Variants in PCLO observed in about 807,000 individuals in gnomAD.
PCLO encodes piccolo presynaptic cytomatrix protein, also known as protein piccolo.
A neutral mutation model predicts 427.5 loss-of-function variants in PCLO; 82 were observed. That is an observed-to-expected ratio of 0.19 (90% CI 0.16 to 0.23). The LOEUF is 0.23. Among genes scored for constraint, PCLO ranks in the 10% least tolerant of loss-of-function variants. The probability of loss-of-function intolerance (pLI) is 1.00; values close to 1 mark genes in which losing one functional copy is unlikely to be tolerated. For synonymous variants in PCLO, 2,357 were observed against 2,155.4 expected (o/e 1.09, Z -2.59); for missense variants, 6,239 against 6,115.9 (o/e 1.02, Z -0.67).
At position 82,951,336 on chromosome 7, in the gene PCLO, T is replaced by A; in HGVS notation, c.9252A>T (p.Ser3084=). The A allele has an allele frequency of 6.2e-7, 1 of 1,610,602 alleles. No individual in the cohort carries two copies. Among genetic ancestry groups the A allele is most frequent in the Non-Finnish European group, 8.5e-7 (1 of 1,178,366 alleles). The change falls in exon 6 of 25, where the codon TCA becomes TCT. Residue 3084 remains serine, a synonymous_variant. Coordinates refer to ENST00000333891, the MANE Select transcript of PCLO (RefSeq NM_033026.6). ...PQYCVGSVLR[S]SNGVVYSSVA... ...CTGAAGAATAGACAACACCATTAGA[T>A]GACCTCAAAACACTCCCCACACAAT...
chr7:83,095,823 G>C (rs2116460377), intron 3 of PCLO, among the ~76,000 whole-genome samples: 1 of 152,040 alleles, frequency 6.6e-6, no homozygotes, highest in South Asian at 2.1e-4. Context: ...AAATGTGTTG[G>C]AGTTTGTTTT....
chr7:82,956,495 A>T lies in PCLO; in HGVS notation c.4458T>A (p.Asp1486Glu), dbSNP rs775119273. The T allele has an allele frequency of 4.3e-6, 7 of 1,613,554 alleles. No homozygotes were observed. The highest frequency in any genetic ancestry group is 5.9e-6 in the Non-Finnish European group (7 of 1,179,826). ...KDTFKKDSQQDIPSSKDHKEK... is the reference protein window; with the variant it reads ...KDTFKKDSQQEIPSSKDHKEK... ...CTTTATGGTCCTTGCTGGAAGGAATATCTTGTTGGCTATCTTTTTTAAAAG... is the reference window on the plus strand; with the variant it reads ...CTTTATGGTCCTTGCTGGAAGGAATTTCTTGTTGGCTATCTTTTTTAAAAG... Residue 1486 changes from aspartate to glutamate, a missense_variant, in exon 5 of 25, where the codon GAT becomes GAA. Coordinates refer to ENST00000333891, the MANE Select transcript of PCLO (RefSeq NM_033026.6).
At chr7:83,121,293 C>T (rs944242365) in intron 3 of PCLO, among the ~76,000 whole-genome samples, 1 of 152,030 alleles carries the variant, frequency 6.6e-6, no homozygotes. Flanking sequence ...GTTGCTACTG[C>T]AACCAGAGTT....
intron 2 of PCLO, among the ~76,000 whole-genome samples, chr7:83,152,255 C>T (rs1792157229): frequency 6.6e-6 from 1 of 152,122 alleles, no homozygotes; most frequent in Admixed American, 6.5e-5. Flanking sequence ...TGAGCCACCA[C>T]GCCCGGCCCA....
intron 3 of PCLO, among the ~76,000 whole-genome samples, chr7:83,094,215 T>C (rs1790470630): frequency 6.8e-6 from 1 of 147,490 alleles, no homozygotes; most frequent in South Asian, 2.2e-4. Flanking sequence ...TTTTTCTTTT[T>C]TTTTTTTTTT....
chr7:82,883,151 G>C (rs551755088), intron 9 of PCLO, among the ~76,000 whole-genome samples: 1 of 151,968 alleles, frequency 6.6e-6, no homozygotes, highest in African/African-American at 2.4e-5. Flanking sequence ...AGTTATCCTA[G>C]AATAAAAATA....
chr7:83,080,266 T>A (rs191061683), intron 3 of PCLO, among the ~76,000 whole-genome samples: 2 of 152,272 alleles, frequency 1.3e-5, no homozygotes, highest in East Asian at 3.9e-4. Flanking sequence ...CAAATGGAAT[T>A]TCTGGTTCTA....
intron 3 of PCLO, among the ~76,000 whole-genome samples, chr7:83,038,106 T>TATATATCTTTATATATATATATTTATAA (rs1788875156): frequency 8.4e-6 from 1 of 118,714 alleles, no homozygotes. Flanking sequence ...TATATTTATA[T>TATATATCTTTATATATATATATTTATAA]ATGTATATAT....
chr7:82,850,087 C>A (rs1287910457), intron 10 of PCLO, among the ~76,000 whole-genome samples: 1 of 152,136 alleles, frequency 6.6e-6, no homozygotes, highest in African/African-American at 2.4e-5. Flanking sequence ...TGGCTCACTG[C>A]AACCTCTGCC....
intron 20 of PCLO, among the ~76,000 whole-genome samples, chr7:82,809,607 A>ATAATAATAT (rs1205177736): frequency 6.7e-6 from 1 of 149,270 alleles, no homozygotes; most frequent in African/African-American, 2.5e-5. Context: ...ATAAGTAATA[A>ATAATAATAT]TAATAATAAT....
chr7:83,065,433 GT>G (rs200767521), intron 3 of PCLO, among the ~76,000 whole-genome samples: 17 of 144,444 alleles, frequency 1.2e-4, no homozygotes, highest in East Asian at 8.3e-4. Context: ...TTGTGGGGGA[GT>G]TTTTTTTTCC....
Position 83,156,309 on chromosome 7 carries a change from C to T in PCLO, c.332G>A (p.Ser111Asn). The T allele has an allele frequency of 6.2e-7, 1 of 1,613,290 alleles. No homozygotes were observed. Among genetic ancestry groups the T allele is most frequent in the Non-Finnish European group, 8.5e-7 (1 of 1,179,736 alleles). The stretch of plus-strand genomic sequence containing the variant: ...GAAAGTGTCTGTAGTTCTACTTTTA[C>T]TGAGACCAGGTTGAGCTGGACGCCC... ...DPGRPAQPGL[S>N]KSRTTDTFRS... The change falls in exon 2 of 25, where the codon AGT becomes AAT. Residue 111 changes from serine to asparagine, a missense_variant. Around this residue, in one of 5 missense-constraint regions of PCLO, gnomAD observed 4,677 missense variants for 4,468.4 expected, o/e 1.05. Coordinates refer to ENST00000333891, the MANE Select transcript of PCLO (RefSeq NM_033026.6).
intron 10 of PCLO, among the ~76,000 whole-genome samples, chr7:82,849,783 G>A (rs1325540552): frequency 6.6e-6 from 1 of 151,926 alleles, no homozygotes; most frequent in African/African-American, 2.4e-5. Flanking sequence ...TCATTTAATA[G>A]GTTTGAATAT....
At chr7:82,960,304 A>G (rs994144013) in intron 4 of PCLO, among the ~76,000 whole-genome samples, 1 of 152,230 alleles carries the variant, frequency 6.6e-6, no homozygotes, top group African/African-American at 2.4e-5. Context: ...AATTCACTGG[A>G]CCTGGAGTGA....
chr7:82,899,329 G>A (rs1793984498), intron 9 of PCLO, among the ~76,000 whole-genome samples: 1 of 151,328 alleles, frequency 6.6e-6, no homozygotes, highest in Non-Finnish European at 1.5e-5. Context: ...TCTTTGCCAG[G>A]AAATATTCAG....
chr7:82,984,759 A>G (rs951428480), intron 3 of PCLO, among the ~76,000 whole-genome samples: 1 of 151,876 alleles, frequency 6.6e-6, no homozygotes, highest in African/African-American at 2.4e-5. Context: ...TCCCTGGGAA[A>G]ACTTGTCTTT....
At chr7:82,935,751 T>C (rs1046753437) in intron 6 of PCLO, among the ~76,000 whole-genome samples, 6 of 151,486 alleles carry the variant, frequency 4.0e-5, no homozygotes, top group Non-Finnish European at 7.4e-5. Flanking sequence ...CAGAGCAAAT[T>C]ATAAATTAAG....
At chr7:82,942,709 C>CA (rs1366267867) in intron 6 of PCLO, among the ~76,000 whole-genome samples, 1 of 151,766 alleles carries the variant, frequency 6.6e-6, no homozygotes, top group Non-Finnish European at 1.5e-5. Flanking sequence ...AAAAATACTT[C>CA]AAAATACTTT....
At chr7:83,055,416 G>C (rs148471205) in intron 3 of PCLO, among the ~76,000 whole-genome samples, 2 of 152,108 alleles carry the variant, frequency 1.3e-5, no homozygotes, top group Admixed American at 6.5e-5. Flanking sequence ...TGGGAACTAA[G>C]GGAGCCTTAT....
Sources: gnomAD v4.1 joint callset for allele counts (sites outside exome capture counted in the v4.1 genomes callset) on GRCh38, gnomAD v4.1.1 for gene constraint, gnomAD v4.1.1 regional missense constraint, MANE v1.5 for transcripts, NCBI Gene and HGNC (gene_info 2026-07-23, HGNC 2026-07-21) for gene names.